PTPRD: variants seen among roughly 807,000 people sequenced by gnomAD.
PTPRD encodes protein tyrosine phosphatase receptor type D, also known as receptor-type tyrosine-protein phosphatase delta.
In PTPRD, 34 loss-of-function variants were observed where a neutral mutation model predicts 214.5. The observed-to-expected ratio is 0.16, with a 90% CI of 0.12 to 0.21. The LOEUF (loss-of-function observed/expected upper bound fraction) is 0.21. PTPRD is among the 10% of genes least tolerant of loss of function. The pLI is 1.00. For missense variants in PTPRD, 2,545 were observed against 2,398.7 expected, an observed-to-expected ratio of 1.06 and a Z score of -1.27; for synonymous variants, 1,128 against 845.7, an observed-to-expected ratio of 1.33 and a Z score of -5.79.
intron 11 of PTPRD, among the ~76,000 whole-genome samples, chr9:8,986,239 A>G (rs935109127): frequency 6.6e-6 from 1 of 152,076 alleles, no homozygotes; most frequent in African/African-American, 2.4e-5. Flanking sequence ...GAAGAAATCC[A>G]AACATTATTG....
chr9:9,262,776 G>A (rs964322277), intron 9 of PTPRD, among the ~76,000 whole-genome samples: 4 of 151,506 alleles, frequency 2.6e-5, no homozygotes, highest in African/African-American at 9.7e-5. Flanking sequence ...TTCCATATAT[G>A]AATACATAAA....
intron 8 of PTPRD, among the ~76,000 whole-genome samples, chr9:9,551,947 G>GA (rs144899453): frequency 0.019 from 2,870 of 147,410 alleles, 78 homozygotes; most frequent in African/African-American, 0.063. Flanking sequence ...ATAGAAGTGA[G>GA]AAAAAAAAAA....
chr9:9,965,808 T>C (rs538709382), intron 4 of PTPRD, among the ~76,000 whole-genome samples: 9 of 152,280 alleles, frequency 5.9e-5, no homozygotes, highest in South Asian at 4.2e-4. Context: ...CATTAAAACT[T>C]AGAGCTCTTG....
chr9:9,326,236 T>C (rs1350607376), intron 9 of PTPRD, among the ~76,000 whole-genome samples: 1 of 152,044 alleles, frequency 6.6e-6, no homozygotes, highest in Non-Finnish European at 1.5e-5. Flanking sequence ...GATACTGTGA[T>C]CTTTCACTCA....
chr9:8,382,720 A>C (rs1875238), intron 37 of PTPRD, among the ~76,000 whole-genome samples: 29,700 of 152,144 alleles, frequency 0.2, 3,494 homozygotes, highest in African/African-American at 0.33. Flanking sequence ...CCAGCGTCCT[A>C]TTTACATTAA....
chr9:10,313,486 T>G (rs904031638), intron 3 of PTPRD, among the ~76,000 whole-genome samples: 5 of 151,782 alleles, frequency 3.3e-5, no homozygotes, highest in Non-Finnish European at 5.9e-5. Context: ...CTAGAATAGT[T>G]TTCCCAAGAC....
intron 3 of PTPRD, among the ~76,000 whole-genome samples, chr9:10,103,398 T>TATATATATATA (rs1416027194): frequency 6.3e-5 from 9 of 143,104 alleles, no homozygotes; most frequent in East Asian, 4.3e-4. Flanking sequence ...TATATATTTA[T>TATATATATATA]TTAAGAGCAT....
intron 10 of PTPRD, among the ~76,000 whole-genome samples, chr9:9,147,862 C>A (rs749236527): frequency 2.6e-5 from 4 of 152,116 alleles, no homozygotes; most frequent in Non-Finnish European, 5.9e-5. Context: ...GAAACTTTGG[C>A]CTCACCCTCT....
At chr9:9,650,511 T>C (rs1259595617) in intron 7 of PTPRD, among the ~76,000 whole-genome samples, 1 of 152,182 alleles carries the variant, frequency 6.6e-6, no homozygotes, top group Admixed American at 6.5e-5. Context: ...GATAATGCCC[T>C]GAAATTTTCT....
intron 11 of PTPRD, among the ~76,000 whole-genome samples, chr9:8,990,115 C>T (rs2099360435): frequency 6.6e-6 from 1 of 152,020 alleles, no homozygotes; most frequent in African/African-American, 2.4e-5. Context: ...CTTAACAGTG[C>T]CACAAAACTT....
At chr9:8,623,245 A>G (rs2095877219) in intron 14 of PTPRD, among the ~76,000 whole-genome samples, 1 of 151,946 alleles carries the variant, frequency 6.6e-6, no homozygotes. Flanking sequence ...CCATGCCCTT[A>G]TGGAACTTCT....
intron 3 of PTPRD, among the ~76,000 whole-genome samples, chr9:10,084,174 G>A (rs1267093365): frequency 6.6e-6 from 1 of 151,932 alleles, no homozygotes; most frequent in Non-Finnish European, 1.5e-5. Flanking sequence ...TATTTTAAGT[G>A]TTGTTTTGTT....
chr9:9,588,416 C>G (rs1360031800), intron 7 of PTPRD, among the ~76,000 whole-genome samples: 2 of 151,898 alleles, frequency 1.3e-5, no homozygotes, highest in African/African-American at 4.8e-5. Flanking sequence ...AGACATGTCT[C>G]TGGGAGAACA....
At chr9:9,656,113 GACA>G (rs1357092052) in intron 7 of PTPRD, among the ~76,000 whole-genome samples, 13 of 152,164 alleles carry the variant, frequency 8.5e-5, no homozygotes, top group Non-Finnish European at 1.8e-4. Flanking sequence ...CCAAAACACT[GACA>G]ACATTAAATT....
rs1359933312 is a variant in PTPRD, at chr9:8,518,086, C to G, written c.1305G>C (p.Leu435Phe). ...GCTCTTCAGGTTCCTTCCACTGTAC[C>G]AAAATGGTGGTCGAACTCAACATTC... ...QARMLSSTTI[L>F]VQWKEPEEPN... is the part of the protein sequence containing the mutation. The change falls in exon 21 of 46, where the codon TTG becomes TTC. Residue 435 changes from leucine to phenylalanine, a missense_variant. Transcript: ENST00000381196. The G allele has an allele frequency of 2.5e-6, 4 of 1,614,020 alleles. No homozygotes were observed. Among genetic ancestry groups the G allele is most frequent in the Admixed American group, 1.7e-5 (1 of 59,994 alleles).
chr9:9,602,968 T>C (rs917716064), intron 7 of PTPRD, among the ~76,000 whole-genome samples: 1 of 152,128 alleles, frequency 6.6e-6, no homozygotes, highest in African/African-American at 2.4e-5. Flanking sequence ...AATTGGCTGC[T>C]ATATTTTGAA....
At position 9,232,194 on chromosome 9, in the gene PTPRD, A is replaced by G. The variant is rs115784368; in HGVS notation, c.-202-48831T>C. ...GCACTTGTAGTGCATTATGCCCATC[A>G]TTACCTTTAAACTACTGAAAGGAGG... On this transcript the variant is annotated intron_variant, in intron 9 of 45. Transcript: ENST00000381196. 6.8e-3 allele frequency among the ~76,000 whole-genome samples: 1,028 copies of G among 152,286 alleles called. 10 individuals carry two copies. The highest frequency in any genetic ancestry group is 0.023 in the African/African-American group (958 of 41,578).
At chr9:10,152,667 A>G (rs1484893776) in intron 3 of PTPRD, among the ~76,000 whole-genome samples, 1 of 152,108 alleles carries the variant, frequency 6.6e-6, no homozygotes, top group Non-Finnish European at 1.5e-5. Context: ...CTCTACTAAA[A>G]ATACAAAATT....
chr9:10,552,251 C>CT (rs57400329), intron 2 of PTPRD, among the ~76,000 whole-genome samples: 20,634 of 151,952 alleles, frequency 0.14, 2,080 homozygotes, highest in East Asian at 0.51. Context: ...GAAAACCAAG[C>CT]TTTTTTATCT....
Sources: allele counts gnomAD v4.1 joint callset (sites outside exome capture counted in the v4.1 genomes callset), GRCh38; gene constraint gnomAD v4.1.1; transcripts MANE v1.5; gene names NCBI Gene and HGNC (gene_info 2026-07-23, HGNC 2026-07-21).